The following RAD54L2 variants were observed in gnomAD, a reference collection of about 807,000 sequenced individuals.
The protein encoded by RAD54L2 is RAD54 like 2.
RAD54L2 carries 27 observed loss-of-function variants against 138.4 expected under a neutral mutation model. The observed-to-expected ratio is 0.20, with a 90% CI of 0.14 to 0.27. RAD54L2 has a LOEUF of 0.27. RAD54L2 is among the 10% of genes least tolerant of loss of function. RAD54L2 has a pLI of 1.00. For missense variants in RAD54L2, 1,396 were observed against 1,890.2 expected (o/e 0.74, Z 4.85); for synonymous variants, 644 against 723.2 (o/e 0.89, Z 1.76).
At chr3:51,568,487 C>G (rs776292254) in intron 2 of RAD54L2, among the ~76,000 whole-genome samples, 1 of 152,058 alleles carries the variant, frequency 6.6e-6, no homozygotes, top group African/African-American at 2.4e-5. Flanking sequence ...GAGTCTTTGT[C>G]CTTGAGATTT....
In RAD54L2 at chr3:51,637,571, C is replaced by G. The variant is rs1407182368; in HGVS notation, c.1682+68C>G. The G allele has an allele frequency of 6.8e-7, 1 of 1,460,108 alleles. No homozygotes were observed. The highest frequency in any genetic ancestry group is 2.0e-5 in the Admixed American group (1 of 49,692). 90.4% of individuals were successfully genotyped at this position (1,460,108 alleles called of 1,614,324 possible). ...CCCTGTTGCCAAGGGCATGCCAAAC[C>G]TGTTATACAGGATAGGGTGTTGGAG... On this transcript the variant is annotated intron_variant, in intron 11 of 22. Transcript: ENST00000684192. The surrounding 1 kb of genome is among the most constrained non-coding windows in gnomAD (Gnocchi z 5.9).
chr3:51,572,786 C>T (rs62257558), intron 2 of RAD54L2, among the ~76,000 whole-genome samples: 84,129 of 150,624 alleles, frequency 0.56, 23,972 homozygotes, highest in Non-Finnish European at 0.6. Flanking sequence ...TTACAGGCGC[C>T]TGCCACTACG....
intron 3 of RAD54L2, among the ~76,000 whole-genome samples, chr3:51,620,258 ATTTTTTT>A (rs34861378): frequency 1.6e-4 from 20 of 123,484 alleles, no homozygotes; most frequent in African/African-American, 4.5e-4. Context: ...TGCTCAGCTA[ATTTTTTT>A]TTTTTTTTTT....
Position 51,638,553 on chromosome 3 carries a change from G to A in RAD54L2, c.1860+232G>A. 2.2e-6 allele frequency: 1 copy of A among 448,216 alleles called. No homozygotes were observed. The highest frequency in any genetic ancestry group is 3.3e-5 in the East Asian group (1 of 29,994). The allele number at this position is 448,216 out of a possible 1,614,324, so 27.8% of individuals were successfully genotyped here. Reference sequence around the variant, plus strand: ...TAATATAACTGATGCCCCCTGCAGTGTGCAACTCAGCTGCACAACTTGTTA... The same window carrying A: ...TAATATAACTGATGCCCCCTGCAGTATGCAACTCAGCTGCACAACTTGTTA... On this transcript the variant is annotated intron_variant, in intron 12 of 22. Transcript: ENST00000684192. This position sits in a 1 kb window ranked among gnomAD's most constrained non-coding sequence, Gnocchi z 4.3.
At chr3:51,590,948 A>G (rs1205539289) in intron 3 of RAD54L2, among the ~76,000 whole-genome samples, 1 of 152,180 alleles carries the variant, frequency 6.6e-6, no homozygotes, top group East Asian at 1.9e-4. Flanking sequence ...GTGGTCTGTA[A>G]GTTTTCTGAA....
Position 51,662,940 on chromosome 3 carries a change from C to G in RAD54L2, c.3924C>G (p.Pro1308=). The G allele has an allele frequency of 1.2e-6, 2 of 1,613,950 alleles. No homozygotes were observed. The highest frequency in any genetic ancestry group is 2.2e-5 in the South Asian group (2 of 91,078). ...PVSLNHNLTT[P]FTSQAGENSL... ...CCTTAAACCATAACCTCACCACCCC[C>G]TTCACCTCCCAGGCTGGGGAGAACT... Residue 1308 remains proline (P), a synonymous_variant, in exon 23 of 23, where the codon CCC becomes CCG. Coordinates refer to ENST00000684192, the MANE Select transcript of RAD54L2 (RefSeq NM_015106.4). The surrounding 1 kb of genome is among the most constrained non-coding windows in gnomAD (Gnocchi z 4.6).
intron 19 of RAD54L2, among the ~76,000 whole-genome samples, chr3:51,649,118 T>C (rs1701361829): frequency 6.6e-6 from 1 of 152,020 alleles, no homozygotes; most frequent in Admixed American, 6.6e-5. Context: ...AATGACCTGA[T>C]GGAGCTGAAA....
Position 51,620,258 on chromosome 3 carries a change from A to ATT in RAD54L2, c.140-7276_140-7275dup, listed in dbSNP as rs34861378. 8.0e-4 allele frequency among the ~76,000 whole-genome samples: 99 copies of ATT among 123,474 alleles called. 1 individual carries two copies. The highest frequency in any genetic ancestry group is 2.5e-3 in the East Asian group (10 of 4,052). 81.0% of individuals were successfully genotyped at this position (123,474 alleles called of 152,430 possible). On this transcript the variant is annotated intron_variant, in intron 3 of 22. Coordinates refer to ENST00000684192, the MANE Select transcript of RAD54L2 (RefSeq NM_015106.4). ...AGGCCTGCACCACTATGCTCAGCTA[A>ATT]TTTTTTTTTTTTTTTTTTTTGTAGA...
intron 19 of RAD54L2, 125 bp downstream of exon 19, chr3:51,646,606 G>C: frequency 9.6e-7 from 1 of 1,036,550 alleles, no homozygotes. Flanking sequence ...GACAGGCTCT[G>C]CTCTAGGGTA....
At chr3:51,556,181 G>A (rs1432652529) in intron 2 of RAD54L2, among the ~76,000 whole-genome samples, 1 of 152,050 alleles carries the variant, frequency 6.6e-6, no homozygotes. Flanking sequence ...TGCCTCTCAT[G>A]GTAGCCTAGC....
intron 2 of RAD54L2, among the ~76,000 whole-genome samples, chr3:51,573,675 G>T (rs1320880261): frequency 6.6e-6 from 1 of 152,012 alleles, no homozygotes; most frequent in Non-Finnish European, 1.5e-5. Context: ...TTGCCATGTT[G>T]GCCACGCTGG....
intron 2 of RAD54L2, among the ~76,000 whole-genome samples, chr3:51,549,142 C>T (rs1158296830): frequency 6.6e-6 from 1 of 151,956 alleles, no homozygotes; most frequent in Non-Finnish European, 1.5e-5. Context: ...TACAGGCGCC[C>T]ACCACCACGC....
intron 20 of RAD54L2, 59 bp downstream of exon 20, chr3:51,656,229 T>G (rs1701597030): frequency 2.8e-6 from 4 of 1,439,410 alleles, no homozygotes; most frequent in Non-Finnish European, 3.8e-6. Context: ...ACTTTGTTCA[T>G]TTAGGAAGTA....
rs552960872 is a variant in RAD54L2 at position 51,584,092 on chromosome 3, C to G, written c.-54-6275C>G. On this transcript the variant is annotated intron_variant, in intron 2 of 22. Coordinates refer to ENST00000684192, the MANE Select transcript of RAD54L2 (RefSeq NM_015106.4). ...AGGAGTGATTGAAGCTGAGGGAGGA[C>G]TGACTTGCCCAAAGTCATTTAGCTA... Among the ~76,000 whole-genome samples, 4 of 152,206 alleles carry G rather than the reference C, an allele frequency of 2.6e-5. No individual in the cohort carries two copies. The South Asian group carries it at 8.3e-4, about 32-fold the overall frequency.
At chr3:51,542,824 C>T (rs1293884438) in intron 2 of RAD54L2, among the ~76,000 whole-genome samples, 1 of 152,122 alleles carries the variant, frequency 6.6e-6, no homozygotes, top group African/African-American at 2.4e-5. Context: ...AAGGTCATTC[C>T]TGGCAGTAGA....
chr3:51,659,572 G>A (rs911425410), intron 21 of RAD54L2, among the ~76,000 whole-genome samples: 2 of 152,238 alleles, frequency 1.3e-5, no homozygotes, highest in African/African-American at 2.4e-5. Flanking sequence ...TACTAGGGGA[G>A]AGAGGATATT....
At chr3:51,652,952 T>A (rs988781860) in intron 19 of RAD54L2, among the ~76,000 whole-genome samples, 7 of 151,920 alleles carry the variant, frequency 4.6e-5, no homozygotes, top group Non-Finnish European at 1.0e-4. Flanking sequence ...ACTAAAGAGA[T>A]TCTGCACAGC....
chr3:51,548,120 C>G (rs1300881960), intron 2 of RAD54L2, among the ~76,000 whole-genome samples: 2 of 151,628 alleles, frequency 1.3e-5, no homozygotes, highest in Non-Finnish European at 2.9e-5. Context: ...TCTTGAACTC[C>G]TGACCTCAGG....
chr3:51,631,210 T>C (rs79587771), intron 7 of RAD54L2, among the ~76,000 whole-genome samples: 165 of 152,290 alleles, frequency 1.1e-3, no homozygotes, highest in Non-Finnish European at 1.9e-3. Flanking sequence ...TGAGCCTCTT[T>C]CTGTGGGATC....
Sources: gnomAD v4.1 joint callset for allele counts (sites outside exome capture counted in the v4.1 genomes callset) on GRCh38, gnomAD v4.1.1 for gene constraint, Gnocchi (gnomAD v3.1) non-coding constraint, MANE v1.5 for transcripts, NCBI Gene and HGNC (gene_info 2026-07-23, HGNC 2026-07-21) for gene names.